USH2A: variants seen among roughly 807,000 people sequenced by gnomAD.
USH2A encodes the protein Usher syndrome 2A (autosomal recessive, mild).
In USH2A, 443 loss-of-function variants were observed where a neutral mutation model predicts 538.9. The ratio of observed to expected loss-of-function variants is 0.82; its 90% CI spans 0.76 to 0.89. The LOEUF is 0.89. Ranked by LOEUF, USH2A falls within the 40% of genes least tolerant of loss-of-function variation. The pLI, the probability that USH2A is intolerant of heterozygous loss-of-function variation, is 0.00. For synonymous variants in USH2A, 2,413 were observed against 2,273.5 expected (o/e 1.06, Z -1.75); for missense variants, 6,633 against 6,324.8 (o/e 1.05, Z -1.65).
Position 216,325,521 on chromosome 1 carries a change from C to A in USH2A, c.927G>T (p.Pro309=), listed in dbSNP as rs751443710. 3 of 1,613,618 alleles carry A rather than the reference C, an allele frequency of 1.9e-6. No homozygotes were observed. The highest frequency in any genetic ancestry group is 2.5e-6 in the Non-Finnish European group (3 of 1,179,748). The change falls in exon 6 of 72, where the codon CCG becomes CCT. Residue 309 remains proline, a synonymous_variant. Coordinates refer to ENST00000307340, the MANE Select transcript of USH2A (RefSeq NM_206933.4). ...ACCGCTGTGCCAAAGGGTGGACCCG[C>A]GGGTGGCTGCCAGGGCAACGGCAAT... ...QSHCRCPGSH[P]RVHPLAQRYC... is the part of the protein sequence containing the mutation.
chr1:215,975,784 C>G (rs1054654903), intron 35 of USH2A, among the ~76,000 whole-genome samples: 1 of 151,974 alleles, frequency 6.6e-6, no homozygotes, highest in African/African-American at 2.4e-5. Flanking sequence ...TGTAGAATTG[C>G]TTTGGCTCTT....
At chr1:216,000,068 T>C (rs1031466949) in intron 33 of USH2A, among the ~76,000 whole-genome samples, 2 of 152,182 alleles carry the variant, frequency 1.3e-5, no homozygotes, top group African/African-American at 4.8e-5. Context: ...TCCTGGACTA[T>C]ACTCAAAAAG....
intron 4 of USH2A, among the ~76,000 whole-genome samples, chr1:216,361,512 G>T (rs979022706): frequency 3.3e-5 from 5 of 152,042 alleles, no homozygotes; most frequent in Non-Finnish European, 4.4e-5. Flanking sequence ...ATTTGTCAAA[G>T]AACTCATATT....
At chr1:215,816,217 G>C (rs1662854791) in intron 48 of USH2A, among the ~76,000 whole-genome samples, 1 of 152,044 alleles carries the variant, frequency 6.6e-6, no homozygotes, top group Non-Finnish European at 1.5e-5. Context: ...GGCATAAAAT[G>C]ATGTCAAATG....
At position 215,959,044 on chromosome 1, in the gene USH2A, C is replaced by T. The variant is rs558285775; in HGVS notation, c.7120+6273G>A. 3.2e-4 allele frequency among the ~76,000 whole-genome samples: 48 copies of T among 152,238 alleles called. No homozygotes were observed. The South Asian group carries it at 9.5e-3, about 30-fold the overall frequency. ...GACTTCTGACTCACCACCCGGATCT[C>T]CTCCTTGGAGCCAGAAGCACCATGC... On this transcript the variant is annotated intron_variant, in intron 37 of 71. Transcript: ENST00000307340.
chr1:215,916,513 T>C (rs1048413363), intron 38 of USH2A, among the ~76,000 whole-genome samples: 1 of 152,020 alleles, frequency 6.6e-6, no homozygotes, highest in African/African-American at 2.4e-5. Flanking sequence ...CTCCAACATT[T>C]CACGGAGAAA....
intron 14 of USH2A, among the ~76,000 whole-genome samples, chr1:216,218,738 C>A (rs1344897345): frequency 1.3e-5 from 2 of 152,040 alleles, no homozygotes; most frequent in Non-Finnish European, 2.9e-5. Context: ...CATTTTCCCC[C>A]TTCAAACAAC....
intron 35 of USH2A, among the ~76,000 whole-genome samples, chr1:215,988,187 TC>T (rs955716080): frequency 1.3e-5 from 2 of 152,014 alleles, no homozygotes; most frequent in African/African-American, 4.8e-5. Flanking sequence ...ACTCTCCATT[TC>T]CCCCTTCCAC....
At chr1:216,252,562 A>T (rs1274779897) in intron 11 of USH2A, among the ~76,000 whole-genome samples, 1 of 152,262 alleles carries the variant, frequency 6.6e-6, no homozygotes, top group Non-Finnish European at 1.5e-5. Context: ...CAAGAAATAG[A>T]GACTCACTGG....
intron 21 of USH2A, among the ~76,000 whole-genome samples, chr1:216,105,732 T>A (rs1021462994): frequency 6.6e-6 from 1 of 152,060 alleles, no homozygotes; most frequent in Non-Finnish European, 1.5e-5. Context: ...ATTTTGTTTT[T>A]CATCCACAAA....
At chr1:215,684,658 G>T (rs1425182151) in intron 61 of USH2A, among the ~76,000 whole-genome samples, 6 of 152,138 alleles carry the variant, frequency 3.9e-5, no homozygotes, top group Admixed American at 3.9e-4. Context: ...AGAGTATTAC[G>T]TGTCCATATT....
intron 32 of USH2A, among the ~76,000 whole-genome samples, chr1:216,018,538 A>T (rs1023080501): frequency 2.6e-5 from 4 of 152,138 alleles, no homozygotes; most frequent in African/African-American, 9.7e-5. Flanking sequence ...TGTTCTCTTT[A>T]TTGTGTCTTA....
intron 40 of USH2A, among the ~76,000 whole-genome samples, chr1:215,896,304 GT>G (rs957115742): frequency 2.0e-3 from 290 of 144,700 alleles, no homozygotes; most frequent in African/African-American, 4.6e-3. Flanking sequence ...CAAGTTTGGG[GT>G]TTTTTTTTTT....
At chr1:215,732,451 T>C (rs1660024395) in intron 60 of USH2A, among the ~76,000 whole-genome samples, 1 of 152,052 alleles carries the variant, frequency 6.6e-6, no homozygotes, top group Non-Finnish European at 1.5e-5. Context: ...GTTTCTTATA[T>C]TCCATTATAT....
In USH2A at chr1:215,780,032, C is replaced by G. The variant is rs1167594983; in HGVS notation, c.10750G>C (p.Ala3584Pro). Residue 3584 changes from alanine to proline, a missense_variant, in exon 55 of 72, where the codon GCT becomes CCT. Transcript: ENST00000307340. Reference sequence around the variant, plus strand: ...CTCTCCGGAACTCCTTGGGTAGTAGCTGCAACTACCTGAAGACGTAGGAAT... The same window carrying G: ...CTCTCCGGAACTCCTTGGGTAGTAGGTGCAACTACCTGAAGACGTAGGAAT... Reference protein sequence around the residue: ...GCATSSKVVAATTQGVPESIL... With the variant: ...GCATSSKVVAPTTQGVPESIL... The G allele has an allele frequency of 1.2e-6, 2 of 1,614,118 alleles. No individual in the cohort carries two copies. The highest frequency in any genetic ancestry group is 2.7e-5 in the African/African-American group (2 of 75,026).
intron 44 of USH2A, among the ~76,000 whole-genome samples, chr1:215,849,084 G>T (rs752917901): frequency 1.3e-5 from 2 of 152,174 alleles, no homozygotes; most frequent in Non-Finnish European, 2.9e-5. Flanking sequence ...ATTGAGAAAA[G>T]CTGGGTCTGA....
rs773821020 is a variant in USH2A, at chr1:216,135,644, G to T, written c.4628-38431C>A. Among the ~76,000 whole-genome samples the T allele has an allele frequency of 3.3e-5, 5 of 152,050 alleles. No homozygotes were observed. The South Asian group carries it at 1.0e-3, about 32-fold the overall frequency. On this transcript the variant is annotated intron_variant, in intron 21 of 71. Coordinates refer to ENST00000307340, the MANE Select transcript of USH2A (RefSeq NM_206933.4). Reference sequence around the variant, plus strand: ...TACACCAAATGGGAAAATGAGTACTGTCAATGAACGACTCTTTTCCGCTGG... The same window carrying T: ...TACACCAAATGGGAAAATGAGTACTTTCAATGAACGACTCTTTTCCGCTGG...
intron 21 of USH2A, among the ~76,000 whole-genome samples, chr1:216,163,178 A>T (rs2102630280): frequency 6.6e-6 from 1 of 152,040 alleles, no homozygotes; most frequent in East Asian, 1.9e-4. Flanking sequence ...GTTGCATACG[A>T]TATTAAGAAC....
intron 65 of USH2A, among the ~76,000 whole-genome samples, chr1:215,649,222 C>A (rs1245120041): frequency 6.6e-6 from 1 of 152,150 alleles, no homozygotes; most frequent in African/African-American, 2.4e-5. Context: ...GTCAAAAAAT[C>A]TTTTCAGATC....
Sources: allele counts gnomAD v4.1 joint callset (sites outside exome capture counted in the v4.1 genomes callset), GRCh38; gene constraint gnomAD v4.1.1; transcripts MANE v1.5; gene names NCBI Gene and HGNC (gene_info 2026-07-23, HGNC 2026-07-21).